CSMD3: variants seen among roughly 807,000 people sequenced by gnomAD.
CSMD3 encodes CUB and Sushi multiple domains 3, also known as CUB and sushi domain-containing protein 3.
Under a neutral mutation model 435.2 loss-of-function variants are expected in CSMD3, and 177 were observed. The ratio of observed to expected loss-of-function variants is 0.41; its 90% CI spans 0.36 to 0.46. The LOEUF is 0.46. Among genes scored for constraint, CSMD3 ranks in the 20% least tolerant of loss-of-function variants. CSMD3 has a pLI of 0.34. For synonymous variants in CSMD3, 1,656 were observed against 1,520.5 expected (o/e 1.09, Z -2.07); for missense variants, 4,265 against 4,504.6 (o/e 0.95, Z 1.52).
intron 27 of CSMD3, among the ~76,000 whole-genome samples, chr8:112,526,043 T>G (rs965270730): frequency 1.3e-5 from 2 of 150,476 alleles, no homozygotes; most frequent in Admixed American, 1.3e-4. Flanking sequence ...CACTTAAGTG[T>G]CTTCCTGTTT....
chr8:112,752,812 A>T (rs113295656), intron 13 of CSMD3, among the ~76,000 whole-genome samples: 2,067 of 152,240 alleles, frequency 0.014, 26 homozygotes, highest in Middle Eastern at 0.044. Context: ...CTCCAAAAGG[A>T]CTGAAAATGA....
At chr8:113,269,488 G>T (rs959991966) in intron 3 of CSMD3, among the ~76,000 whole-genome samples, 24 of 152,040 alleles carry the variant, frequency 1.6e-4, no homozygotes, top group African/African-American at 5.1e-4. Context: ...CCAAAAAAGA[G>T]CCCTCATCAC....
chr8:112,636,195 T>C (rs897482282), intron 22 of CSMD3, among the ~76,000 whole-genome samples: 2 of 152,122 alleles, frequency 1.3e-5, no homozygotes, highest in African/African-American at 2.4e-5. Context: ...AAGATTGAGA[T>C]GGTGACTTCA....
chr8:112,733,664 T>C (rs1417854725), intron 13 of CSMD3, among the ~76,000 whole-genome samples: 1 of 151,988 alleles, frequency 6.6e-6, no homozygotes, highest in African/African-American at 2.4e-5. Context: ...TTAAACATTG[T>C]ATTTTGAAAG....
intron 18 of CSMD3, among the ~76,000 whole-genome samples, chr8:112,654,926 G>A (rs1354437713): frequency 6.6e-6 from 1 of 152,072 alleles, no homozygotes; most frequent in Non-Finnish European, 1.5e-5. Flanking sequence ...TTTGACTCAG[G>A]TTTAGTAAAT....
intron 13 of CSMD3, among the ~76,000 whole-genome samples, chr8:112,757,303 A>G (rs1483132842): frequency 1.3e-5 from 2 of 152,110 alleles, no homozygotes; most frequent in East Asian, 1.9e-4. Flanking sequence ...GGTTTAAGGA[A>G]GTTATCATAG....
intron 70 of CSMD3, among the ~76,000 whole-genome samples, chr8:112,226,023 T>C (rs1812519154): frequency 6.6e-6 from 1 of 152,214 alleles, no homozygotes; most frequent in South Asian, 2.1e-4. Flanking sequence ...AATTTGTTTC[T>C]CAACTCTATT....
chr8:112,536,717 T>C (rs10097883), intron 27 of CSMD3, among the ~76,000 whole-genome samples: 38,570 of 139,126 alleles, frequency 0.28, 6,062 homozygotes, highest in East Asian at 0.45. Context: ...GACACACGCA[T>C]GCGTATGTTT....
chr8:112,390,779 C>T lies in CSMD3; in HGVS notation c.5819G>A (p.Gly1940Asp), dbSNP rs1447056383. 6.2e-7 allele frequency: 1 copy of T among 1,613,604 alleles called. No individual in the cohort carries two copies. Among genetic ancestry groups the T allele is most frequent in the Non-Finnish European group, 8.5e-7 (1 of 1,179,588 alleles). ...CCCTTTGCGCTTAGTTAAAATTCCA[C>T]CACAGGGCACTGAAAATAAAGCAGT... is the stretch of plus-strand genomic sequence containing the variant. The part of the protein sequence containing the change: ...DSLPTCIVPC[G>D]GILTKRKGTI... The change falls in exon 36 of 71, where the codon GGT (glycine) becomes GAT (aspartate). Residue 1940 changes from glycine (G) to aspartate (D), a missense_variant. Gly to Asp is a moderately conservative substitution (Grantham distance 94). Coordinates refer to ENST00000297405, the MANE Select transcript of CSMD3 (RefSeq NM_198123.2).
intron 22 of CSMD3, among the ~76,000 whole-genome samples, chr8:112,631,730 C>T (rs1007282814): frequency 6.6e-6 from 1 of 151,730 alleles, no homozygotes; most frequent in African/African-American, 2.4e-5. Context: ...GCATTCAGTC[C>T]TAATCATACA....
At chr8:112,459,184 C>A (rs949331286) in intron 32 of CSMD3, among the ~76,000 whole-genome samples, 1 of 152,058 alleles carries the variant, frequency 6.6e-6, no homozygotes, top group Admixed American at 6.6e-5. Context: ...AGATACATTT[C>A]AACCTCCTTC....
At chr8:112,992,199 TTTC>T (rs1454490176) in intron 6 of CSMD3, among the ~76,000 whole-genome samples, 2 of 151,814 alleles carry the variant, frequency 1.3e-5, no homozygotes, top group Non-Finnish European at 2.9e-5. Flanking sequence ...TCTTTCTTTC[TTTC>T]TTTTTTGCTT....
intron 3 of CSMD3, among the ~76,000 whole-genome samples, chr8:113,260,406 C>T (rs955387950): frequency 2.6e-5 from 4 of 152,094 alleles, no homozygotes; most frequent in African/African-American, 4.8e-5. Context: ...GAGTTCCTCT[C>T]CTGTAAAAAG....
chr8:112,229,840 T>C (rs192342453), intron 69 of CSMD3, among the ~76,000 whole-genome samples: 73 of 147,592 alleles, frequency 4.9e-4, no homozygotes, highest in African/African-American at 1.7e-3. Context: ...CTTCAGGGAA[T>C]ACAGACTGGA....
At chr8:113,193,520 C>T (rs2092614253) in intron 3 of CSMD3, among the ~76,000 whole-genome samples, 1 of 151,398 alleles carries the variant, frequency 6.6e-6, no homozygotes, top group Non-Finnish European at 1.5e-5. Context: ...ACTACTGCTT[C>T]ATCTGATTAC....
intron 66 of CSMD3, among the ~76,000 whole-genome samples, chr8:112,238,868 A>T (rs978694093): frequency 6.6e-6 from 1 of 152,068 alleles, no homozygotes; most frequent in African/African-American, 2.4e-5. Context: ...AGCTATGAAG[A>T]ATCCAGATTG....
chr8:113,150,624 G>T (rs1192531597), intron 4 of CSMD3, among the ~76,000 whole-genome samples: 1 of 151,942 alleles, frequency 6.6e-6, no homozygotes. Flanking sequence ...GTCTTAAGCT[G>T]CTATGTTTGT....
chr8:112,245,166 G>T (rs1362601168), intron 64 of CSMD3, among the ~76,000 whole-genome samples: 1 of 151,902 alleles, frequency 6.6e-6, no homozygotes, highest in African/African-American at 2.4e-5. Context: ...GGATCCATAT[G>T]CTAGAAGTAT....
chr8:112,505,004 G>A lies in CSMD3; in HGVS notation c.4896-1027C>T, dbSNP rs149150573. Reference sequence around the variant, plus strand: ...TGCATCTAAGCAATAGATTTGTTACGTGAAAGGCATTATTTCCGAACCCAA... The same window carrying A: ...TGCATCTAAGCAATAGATTTGTTACATGAAAGGCATTATTTCCGAACCCAA... On this transcript the variant is annotated intron_variant, in intron 29 of 70. Coordinates refer to ENST00000297405, the MANE Select transcript of CSMD3 (RefSeq NM_198123.2). Among the ~76,000 whole-genome samples, 570 of 152,178 alleles carry A rather than the reference G, an allele frequency of 3.7e-3. 3 individuals are homozygous for A. The highest frequency in any genetic ancestry group is 4.5e-3 in the Admixed American group (68 of 15,272).
Sources: allele counts gnomAD v4.1 joint callset (sites outside exome capture counted in the v4.1 genomes callset), GRCh38; gene constraint gnomAD v4.1.1; transcripts MANE v1.5; gene names NCBI Gene and HGNC (gene_info 2026-07-23, HGNC 2026-07-21).